The following PCDHGA10 variants were observed in gnomAD, a reference collection of about 807,000 sequenced individuals.
PCDHGA10 encodes protocadherin gamma subfamily A, 10.
In PCDHGA10, 42 loss-of-function variants were observed where a neutral mutation model predicts 59.5. The observed-to-expected ratio is 0.71, with a 90% confidence interval of 0.55 to 0.91. The LOEUF (loss-of-function observed/expected upper bound fraction) is 0.91, where lower values mean the gene tolerates loss of function less well. PCDHGA10 is among the 40% of genes least tolerant of loss of function. PCDHGA10 has a pLI of 0.00. For synonymous variants in PCDHGA10, 511 were observed against 517.2 expected (o/e 0.99, Z 0.16); for missense variants, 1,111 against 1,198.2 (o/e 0.93, Z 1.07).
rs996153387 is a variant in PCDHGA10, at chr5:141,491,985, G to A, written c.2437-2822G>A. 24 of 743,298 alleles carry A rather than the reference G, an allele frequency of 3.2e-5. No homozygotes were observed. Among genetic ancestry groups the A allele is most frequent in the Non-Finnish European group, 4.5e-5 (22 of 494,254 alleles). 46.0% of individuals were successfully genotyped at this position (743,298 alleles called of 1,614,324 possible). On this transcript the variant is annotated intron_variant, in intron 1 of 3. Transcript: ENST00000398610. The surrounding 1 kb of genome is among the most constrained non-coding windows in gnomAD (Gnocchi z 6.9). ...AGGCCGGGGCCTCCTTCGAGCTTCC[G>A]GTGAATTTCGGGCGATTTCCGCGGG...
chr5:141,430,997 C>G, intron 1 of PCDHGA10: 1 of 1,613,926 alleles, frequency 6.2e-7, no homozygotes. Context: ...CCTGAATCCG[C>G]GCAGCGGCAG....
chr5:141,497,540 C>CA (rs1491509812), intron 2 of PCDHGA10, among the ~76,000 whole-genome samples: 7 of 134,922 alleles, frequency 5.2e-5, no homozygotes, highest in Admixed American at 1.5e-4. Flanking sequence ...TGCAACAAAC[C>CA]TTTTTTTTTT....
chr5:141,473,598 T>C (rs959841516), intron 1 of PCDHGA10, among the ~76,000 whole-genome samples: 8 of 152,066 alleles, frequency 5.3e-5, no homozygotes, highest in African/African-American at 1.9e-4. Flanking sequence ...CCTGTAGAAA[T>C]TAGCAAAGCA....
chr5:141,423,956 A>T, intron 1 of PCDHGA10: 4 of 1,182,724 alleles, frequency 3.4e-6, no homozygotes, highest in Non-Finnish European at 4.2e-6. Context: ...TTTTAGTATT[A>T]TTTTTCTATT....
intron 1 of PCDHGA10, among the ~76,000 whole-genome samples, chr5:141,466,246 A>G (rs1357175003): frequency 6.6e-6 from 1 of 152,100 alleles, no homozygotes; most frequent in Non-Finnish European, 1.5e-5. Flanking sequence ...TCATGGCTCA[A>G]TGCAGCCTTG....
In PCDHGA10 at chr5:141,511,445, A is replaced by G; in HGVS notation, c.*272A>G. ...GGTAGTGGGGTTACTGTAGACACCA[A>G]GAACCATTTGCCACACCCCGTTTAG... On this transcript the variant is annotated 3_prime_UTR_variant, in exon 4 of 4. Coordinates refer to ENST00000398610, the MANE Select transcript of PCDHGA10 (RefSeq NM_018913.3). 4.5e-6 allele frequency: 3 copies of G among 659,774 alleles called. No individual in the cohort carries two copies. Among genetic ancestry groups the G allele is most frequent in the Non-Finnish European group, 4.9e-6 (2 of 412,228 alleles). 40.9% of individuals were successfully genotyped at this position (659,774 alleles called of 1,614,324 possible). A position where few individuals can be genotyped will look rare whatever the true frequency, so the allele number is the denominator to read the frequency against.
Position 141,486,429 on chromosome 5 carries a change from C to G in PCDHGA10, c.2437-8378C>G, listed in dbSNP as rs2099629385. On this transcript the variant is annotated intron_variant, in intron 1 of 3. Transcript: ENST00000398610. The surrounding 1 kb of genome is among the most constrained non-coding windows in gnomAD (Gnocchi z 5.0). ...GGACCCTTGGATCGAGAGGCCAAAT[C>G]TAGCTATGACATCATGGTCACTGCT... 1.1e-5 allele frequency: 17 copies of G among 1,614,192 alleles called. No homozygotes were observed. Among genetic ancestry groups the G allele is most frequent in the Non-Finnish European group, 1.4e-5 (17 of 1,180,008 alleles).
At chr5:141,457,098 T>G (rs1179930043) in intron 1 of PCDHGA10, among the ~76,000 whole-genome samples, 1 of 152,242 alleles carries the variant, frequency 6.6e-6, no homozygotes, top group Non-Finnish European at 1.5e-5. Flanking sequence ...AGGATACTAA[T>G]TAAGCAAAAT....
Position 141,413,218 on chromosome 5 carries a change from A to G in PCDHGA10, c.43A>G (p.Ser15Gly). ...RNRSKESKDC[S>G]GLVLLCLFFG... ...TCGCTCAAAGGAATCAAAGGATTGCAGCGGGCTGGTCCTGCTCTGCCTTTT... is the reference window on the plus strand; with the variant it reads ...TCGCTCAAAGGAATCAAAGGATTGCGGCGGGCTGGTCCTGCTCTGCCTTTT... The change falls in exon 1 of 4, where the codon AGC (serine) becomes GGC (glycine). Residue 15 changes from serine to glycine, a missense_variant. Transcript: ENST00000398610. 1 of 1,613,610 alleles carries G rather than the reference A, an allele frequency of 6.2e-7. No individual in the cohort carries two copies.
chr5:141,476,665 C>T lies in PCDHGA10; in HGVS notation c.2437-18142C>T. On this transcript the variant is annotated intron_variant, in intron 1 of 3. Coordinates refer to ENST00000398610, the MANE Select transcript of PCDHGA10 (RefSeq NM_018913.3). This position sits in a 1 kb window ranked among gnomAD's most constrained non-coding sequence, Gnocchi z 7.6. ...GCCGAAATGAATACTTTGCGCTTCG[C>T]GTGCAGACGCGGGAGGACAGCACCA... 6.2e-7 allele frequency: 1 copy of T among 1,614,240 alleles called. No homozygotes were observed. Among genetic ancestry groups the T allele is most frequent in the East Asian group, 2.2e-5 (1 of 44,882 alleles).
intron 1 of PCDHGA10, chr5:141,427,871 GA>G: frequency 6.4e-7 from 1 of 1,559,532 alleles, no homozygotes; most frequent in Non-Finnish European, 8.8e-7. Context: ...TCGAGCTCAC[GA>G]TGCAGGCCCA....
chr5:141,430,939 G>A, intron 1 of PCDHGA10: 1 of 1,607,854 alleles, frequency 6.2e-7, no homozygotes, highest in South Asian at 1.1e-5. Flanking sequence ...GGGAGCTCGC[G>A]GAGCGCGGAG....
chr5:141,476,023 G>T lies in PCDHGA10; in HGVS notation c.2437-18784G>T. On this transcript the variant is annotated intron_variant, in intron 1 of 3. Coordinates refer to ENST00000398610, the MANE Select transcript of PCDHGA10 (RefSeq NM_018913.3). The surrounding 1 kb of genome is among the most constrained non-coding windows in gnomAD (Gnocchi z 7.6). Reference sequence around the variant, plus strand: ...CATCCAGAAAGCCATGTCGGACTCGGCGCCCAGCGCCCAAGCGCTAACCCG... The same window carrying T: ...CATCCAGAAAGCCATGTCGGACTCGTCGCCCAGCGCCCAAGCGCTAACCCG... The T allele has an allele frequency of 7.1e-7, 1 of 1,415,690 alleles. No individual in the cohort carries two copies. Among genetic ancestry groups the T allele is most frequent in the Non-Finnish European group, 9.5e-7 (1 of 1,057,324 alleles). 87.7% of individuals were successfully genotyped at this position (1,415,690 alleles called of 1,614,324 possible).
intron 3 of PCDHGA10, among the ~76,000 whole-genome samples, chr5:141,509,808 G>A (rs905531504): frequency 3.9e-5 from 6 of 152,028 alleles, no homozygotes; most frequent in Non-Finnish European, 7.4e-5. Context: ...TCATAGAGCC[G>A]AGCTCTTCTC....
rs759587995 is a variant in PCDHGA10, at chr5:141,491,802, G to T, written c.2437-3005G>T. On this transcript the variant is annotated intron_variant, in intron 1 of 3. Coordinates refer to ENST00000398610, the MANE Select transcript of PCDHGA10 (RefSeq NM_018913.3). The surrounding 1 kb of genome is among the most constrained non-coding windows in gnomAD (Gnocchi z 6.9). ...ACTTGCATCCACTCCTCTCCGGCCGGCTTGGTCGCTGGCTGCGCTCCACCC... is the reference window on the plus strand; with the variant it reads ...ACTTGCATCCACTCCTCTCCGGCCGTCTTGGTCGCTGGCTGCGCTCCACCC... 1 of 1,497,480 alleles carries T rather than the reference G, an allele frequency of 6.7e-7. No individual in the cohort carries two copies. Among genetic ancestry groups the T allele is most frequent in the East Asian group, 2.5e-5 (1 of 40,518 alleles). The allele number at this position is 1,497,480 out of a possible 1,614,324, so 92.8% of individuals were successfully genotyped here. A position where few individuals can be genotyped will look rare whatever the true frequency, so the allele number is the denominator to read the frequency against.
In PCDHGA10 at chr5:141,493,811, A is replaced by T. The variant is rs956872917; in HGVS notation, c.2437-996A>T. Reference sequence around the variant, plus strand: ...CTCCCTGGAGTAATCTGAGATACTCACACTCTCTGCTTCTGGGAGCAAGTA... The same window carrying T: ...CTCCCTGGAGTAATCTGAGATACTCTCACTCTCTGCTTCTGGGAGCAAGTA... On this transcript the variant is annotated intron_variant, in intron 1 of 3. Transcript: ENST00000398610. The surrounding 1 kb of genome is among the most constrained non-coding windows in gnomAD (Gnocchi z 4.3). Among the ~76,000 whole-genome samples the T allele has an allele frequency of 1.3e-5, 2 of 152,154 alleles. No homozygotes were observed. The highest frequency in any genetic ancestry group is 2.9e-5 in the Non-Finnish European group (2 of 68,036).
chr5:141,436,902 G>A (rs2097852984), intron 1 of PCDHGA10, among the ~76,000 whole-genome samples: 1 of 152,210 alleles, frequency 6.6e-6, no homozygotes, highest in Admixed American at 6.5e-5. Flanking sequence ...TTTTATATGA[G>A]ACAATTTTGT....
At chr5:141,499,189 C>T (rs1406015145) in intron 2 of PCDHGA10, among the ~76,000 whole-genome samples, 3 of 152,088 alleles carry the variant, frequency 2.0e-5, no homozygotes, top group African/African-American at 7.2e-5. Flanking sequence ...AAACCATTTC[C>T]CCCTTCTTAG....
At position 141,476,749 on chromosome 5, in the gene PCDHGA10, G is replaced by C; in HGVS notation, c.2437-18058G>C. On this transcript the variant is annotated intron_variant, in intron 1 of 3. Transcript: ENST00000398610. The surrounding 1 kb of genome is among the most constrained non-coding windows in gnomAD (Gnocchi z 7.6). ...ACCGAGAACGGGAGCCTAGTCTCCA[G>C]TTAGTGCTGACGGCGTTGGACGGAG... is the stretch of plus-strand genomic sequence containing the variant. 1.9e-6 allele frequency: 3 copies of C among 1,614,042 alleles called. No homozygotes were observed. The highest frequency in any genetic ancestry group is 2.5e-6 in the Non-Finnish European group (3 of 1,180,038).
Sources: allele counts gnomAD v4.1 joint callset (sites outside exome capture counted in the v4.1 genomes callset), GRCh38; gene constraint gnomAD v4.1.1; non-coding constraint Gnocchi (gnomAD v3.1); transcripts MANE v1.5; gene names NCBI Gene and HGNC (gene_info 2026-07-23, HGNC 2026-07-21).